The following RANBP3 variants were observed in gnomAD, a reference collection of about 807,000 sequenced individuals.
The protein encoded by RANBP3 is ran-binding protein 3.
A neutral mutation model predicts 77.3 loss-of-function variants in RANBP3; 14 were observed. The observed-to-expected ratio is 0.18, with a 90% CI of 0.12 to 0.28. The LOEUF (loss-of-function observed/expected upper bound fraction) is 0.28. Among genes scored for constraint, RANBP3 ranks in the 10% least tolerant of loss-of-function variants. RANBP3 has a pLI of 1.00. For synonymous variants in RANBP3, 315 were observed against 312.4 expected (o/e 1.01, Z -0.09); for missense variants, 586 against 752.3 (o/e 0.78, Z 2.59).
At chr19:5,948,735 G>C (rs762842314) in intron 3 of RANBP3, among the ~76,000 whole-genome samples, 24 of 152,128 alleles carry the variant, frequency 1.6e-4, no homozygotes, top group Non-Finnish European at 2.6e-4. Context: ...TGGAAGGTGG[G>C]GGGAAGCTGT....
intron 12 of RANBP3, 88 bp from the exon 13 acceptor site, chr19:5,923,391 G>A: frequency 1.5e-6 from 2 of 1,375,624 alleles, no homozygotes; most frequent in Non-Finnish European, 2.0e-6. Context: ...GAGAGGGTTG[G>A]TTCTGGTCTC....
At chr19:5,964,049 C>A (rs976298057) in intron 1 of RANBP3, among the ~76,000 whole-genome samples, 5 of 152,160 alleles carry the variant, frequency 3.3e-5, no homozygotes, top group Non-Finnish European at 7.3e-5. Context: ...GGAGTGAGCC[C>A]CTGCTGGCAT....
rs2058372629 is a variant in RANBP3, at chr19:5,959,362, C to G, written c.23-1389G>C. On this transcript the variant is annotated intron_variant, in intron 1 of 16. Coordinates refer to ENST00000340578, the MANE Select transcript of RANBP3 (RefSeq NM_007322.3). The surrounding 1 kb of genome is among the most constrained non-coding windows in gnomAD (Gnocchi z 5.1). ...ACCAAGATGACCAAACAGACACCAT[C>G]CCACTCCTGCAGACGCAGGACAGAC... Among the ~76,000 whole-genome samples the G allele has an allele frequency of 6.6e-6, 1 of 152,064 alleles. No individual in the cohort carries two copies. Among genetic ancestry groups the G allele is most frequent in the Non-Finnish European group, 1.5e-5 (1 of 67,988 alleles).
intron 3 of RANBP3, among the ~76,000 whole-genome samples, chr19:5,949,784 C>T (rs1405123873): frequency 6.6e-6 from 1 of 152,170 alleles, no homozygotes; most frequent in Non-Finnish European, 1.5e-5. Context: ...AAGAGATGAA[C>T]ATGTGGACGA....
chr19:5,926,032 G>A (rs954652509), intron 9 of RANBP3, among the ~76,000 whole-genome samples: 1 of 152,128 alleles, frequency 6.6e-6, no homozygotes, highest in African/African-American at 2.4e-5. Flanking sequence ...CTGGCCTCTC[G>A]GTCAATGCTT....
rs1009024597 is a variant in RANBP3, at chr19:5,917,519, G to A, written c.*91C>T. 20 of 1,411,998 alleles carry A rather than the reference G, an allele frequency of 1.4e-5. No homozygotes were observed. Among genetic ancestry groups the A allele is most frequent in the Middle Eastern group, 2.5e-4 (1 of 3,980 alleles). 87.5% of individuals were successfully genotyped at this position (1,411,998 alleles called of 1,614,324 possible). A position where few individuals can be genotyped will look rare whatever the true frequency, so the allele number is the denominator to read the frequency against. On this transcript the variant is annotated 3_prime_UTR_variant, in exon 17 of 17. Transcript: ENST00000340578. ...AGTGGGGTGTGTGGTTCCCGGCCCC[G>A]CACCTGGACGCTGCCGGTGGGGTGG...
At chr19:5,965,108 T>C (rs2058451138) in intron 1 of RANBP3, among the ~76,000 whole-genome samples, 1 of 151,380 alleles carries the variant, frequency 6.6e-6, no homozygotes, top group Non-Finnish European at 1.5e-5. Flanking sequence ...CTGTTCTCCT[T>C]GCAGGGGGCA....
At chr19:5,971,176 C>G (rs1236922782) in intron 1 of RANBP3, among the ~76,000 whole-genome samples, 1 of 152,020 alleles carries the variant, frequency 6.6e-6, no homozygotes, top group Non-Finnish European at 1.5e-5. Context: ...AAGACAATTT[C>G]AAAATACTTA....
intron 14 of RANBP3, among the ~76,000 whole-genome samples, chr19:5,919,018 G>A (rs925407486): frequency 2.0e-5 from 3 of 152,236 alleles, no homozygotes; most frequent in East Asian, 1.9e-4. Context: ...GGTGGGCTGC[G>A]GGAGGCAGGG....
In RANBP3 at chr19:5,917,568, C is replaced by A. The variant is rs1182399394; in HGVS notation, c.*42G>T. The A allele has an allele frequency of 1.1e-5, 17 of 1,536,890 alleles. No homozygotes were observed. Among genetic ancestry groups the A allele is most frequent in the Admixed American group, 2.0e-5 (1 of 51,226 alleles). The stretch of plus-strand genomic sequence containing the variant: ...GGGGGCGGGTGGGCGGGTGGATAGA[C>A]GGACAAAGCAGCAGCCTGGTGTGCA... On this transcript the variant is annotated 3_prime_UTR_variant, in exon 17 of 17. Coordinates refer to ENST00000340578, the MANE Select transcript of RANBP3 (RefSeq NM_007322.3).
chr19:5,933,051 T>C, intron 6 of RANBP3: 1 of 279,922 alleles, frequency 3.6e-6, no homozygotes, highest in Non-Finnish European at 6.8e-6. Flanking sequence ...AGCGCGCCGC[T>C]GGAATGCAGC....
At chr19:5,941,857 C>T (rs1286621565) in intron 3 of RANBP3, 22 bp from the exon 4 acceptor site, 23 of 1,612,028 alleles carry the variant, frequency 1.4e-5, no homozygotes, top group East Asian at 2.2e-5. Flanking sequence ...AGCACACAGC[C>T]GGGGTCAGAG....
rs202199622 is a variant in RANBP3, at chr19:5,933,390, G to A, written c.472+24C>T. The A allele has an allele frequency of 1.1e-4, 182 of 1,590,960 alleles. 2 individuals carry two copies. The Admixed American group carries it at 1.6e-3, about 14-fold the overall frequency. ...GAAAAACGTCAGAGAGCCACCCCCC[G>A]CCCCAGGGAGGTAGACGACCTACCT... On this transcript the variant is annotated intron_variant, in intron 6 of 16. Coordinates refer to ENST00000340578, the MANE Select transcript of RANBP3 (RefSeq NM_007322.3).
intron 5 of RANBP3, among the ~76,000 whole-genome samples, chr19:5,937,741 C>T (rs894152701): frequency 4.0e-5 from 6 of 148,958 alleles, no homozygotes; most frequent in Admixed American, 2.7e-4. Flanking sequence ...TAAACCATGC[C>T]GCGTCGGGGC....
intron 14 of RANBP3, chr19:5,920,887 T>G: frequency 4.9e-6 from 1 of 203,722 alleles, no homozygotes. Flanking sequence ...TGATGTTTGA[T>G]TTCATTTTCC....
At chr19:5,962,541 G>A (rs1032670671) in intron 1 of RANBP3, among the ~76,000 whole-genome samples, 1 of 152,138 alleles carries the variant, frequency 6.6e-6, no homozygotes, top group Non-Finnish European at 1.5e-5. Flanking sequence ...AAGGACCCAG[G>A]GAGCCATGGT....
intron 3 of RANBP3, among the ~76,000 whole-genome samples, chr19:5,949,241 G>A (rs2058245807): frequency 6.6e-6 from 1 of 152,224 alleles, no homozygotes; most frequent in Non-Finnish European, 1.5e-5. Context: ...AACGAAAACG[G>A]TCTGAGTTCA....
chr19:5,923,539 G>A (rs1027706738), intron 12 of RANBP3, among the ~76,000 whole-genome samples: 3 of 152,156 alleles, frequency 2.0e-5, no homozygotes, highest in African/African-American at 4.8e-5. Flanking sequence ...TGTTCGTGCC[G>A]AGCAGTCGAC....
chr19:5,937,107 T>TCG (rs1441854366), intron 5 of RANBP3, among the ~76,000 whole-genome samples: 2 of 120,310 alleles, frequency 1.7e-5, no homozygotes, highest in South Asian at 6.0e-4. Flanking sequence ...CATGGGGCAG[T>TCG]CGTCAGCGGG....
Sources: allele counts gnomAD v4.1 joint callset (sites outside exome capture counted in the v4.1 genomes callset), GRCh38; gene constraint gnomAD v4.1.1; non-coding constraint Gnocchi (gnomAD v3.1); transcripts MANE v1.5; gene names NCBI Gene and HGNC (gene_info 2026-07-23, HGNC 2026-07-21).